Variants in DOCK4 observed in about 807,000 individuals in gnomAD.
DOCK4 encodes dedicator of cytokinesis protein 4.
A neutral mutation model predicts 268.1 loss-of-function variants in DOCK4; 97 were observed. That is an observed-to-expected ratio of 0.36 (90% CI 0.31 to 0.43). The LOEUF (loss-of-function observed/expected upper bound fraction) is 0.43, where lower values mean the gene tolerates loss of function less well. Ranked by LOEUF, DOCK4 falls within the 20% of genes least tolerant of loss-of-function variation. DOCK4 has a pLI of 1.00. For synonymous variants in DOCK4, 954 were observed against 887.2 expected (o/e 1.08, Z -1.34); for missense variants, 2,145 against 2,455.7 (o/e 0.87, Z 2.67).
intron 30 of DOCK4, among the ~76,000 whole-genome samples, chr7:111,795,316 A>G (rs1799819049): frequency 6.7e-6 from 1 of 149,224 alleles, no homozygotes; most frequent in African/African-American, 2.6e-5. Context: ...CAAACAAACA[A>G]ACAAAACCCA....
chr7:111,939,787 T>C (rs1016717647), intron 11 of DOCK4, among the ~76,000 whole-genome samples: 1 of 152,158 alleles, frequency 6.6e-6, no homozygotes, highest in Admixed American at 6.5e-5. Flanking sequence ...AAAAGTACTT[T>C]CACTTTCCAA....
At chr7:111,905,120 C>G (rs1348260078) in intron 13 of DOCK4, among the ~76,000 whole-genome samples, 1 of 152,160 alleles carries the variant, frequency 6.6e-6, no homozygotes, top group Non-Finnish European at 1.5e-5. Flanking sequence ...CAAGTTTTGC[C>G]AAAATATGCA....
At chr7:112,168,780 A>G (rs1356349023) in intron 1 of DOCK4, among the ~76,000 whole-genome samples, 1 of 152,158 alleles carries the variant, frequency 6.6e-6, no homozygotes, top group Non-Finnish European at 1.5e-5. Context: ...TGATGAAGAG[A>G]ATAATTTTGA....
chr7:111,833,608 C>G (rs568724876), intron 26 of DOCK4, among the ~76,000 whole-genome samples: 1 of 152,058 alleles, frequency 6.6e-6, no homozygotes, highest in African/African-American at 2.4e-5. Context: ...AAATGACTGA[C>G]TGCTGAGGGA....
chr7:111,875,330 A>T (rs1284139741), intron 17 of DOCK4, among the ~76,000 whole-genome samples: 1 of 152,152 alleles, frequency 6.6e-6, no homozygotes, highest in Admixed American at 6.6e-5. Context: ...AATTTTCAGG[A>T]TTTGTTTCTG....
intron 32 of DOCK4, among the ~76,000 whole-genome samples, chr7:111,785,669 GAT>G (rs963138044): frequency 1.1e-4 from 17 of 152,264 alleles, no homozygotes; most frequent in African/African-American, 4.1e-4. Context: ...CTGTTTACCT[GAT>G]ACAAACTGAG....
intron 1 of DOCK4, among the ~76,000 whole-genome samples, chr7:112,144,044 C>T (rs1023301767): frequency 1.3e-5 from 2 of 152,168 alleles, no homozygotes; most frequent in Admixed American, 6.5e-5. Flanking sequence ...AATATCTCTG[C>T]AATCACAATT....
chr7:111,802,913 T>C (rs577915678), intron 30 of DOCK4, among the ~76,000 whole-genome samples: 9 of 152,320 alleles, frequency 5.9e-5, no homozygotes, highest in Non-Finnish European at 1.2e-4. Flanking sequence ...GACATTGTTA[T>C]CAGTCTACTT....
intron 1 of DOCK4, among the ~76,000 whole-genome samples, chr7:112,101,866 A>G (rs1810722842): frequency 2.0e-5 from 3 of 147,984 alleles, no homozygotes; most frequent in Admixed American, 1.4e-4. Flanking sequence ...TTTTGAGACA[A>G]GAGTCTTGCT....
intron 1 of DOCK4, among the ~76,000 whole-genome samples, chr7:112,110,862 G>C (rs571779476): frequency 6.6e-6 from 1 of 152,228 alleles, no homozygotes; most frequent in Admixed American, 6.5e-5. Context: ...TGTCCCACAG[G>C]GGCAACTCCG....
At chr7:111,863,687 T>C in intron 22 of DOCK4, 123 bp from the exon 23 acceptor site, 2 of 1,050,526 alleles carry the variant, frequency 1.9e-6, no homozygotes, top group Non-Finnish European at 1.3e-6. Context: ...AAGTATGAAA[T>C]GTTTCTGTTA....
intron 1 of DOCK4, among the ~76,000 whole-genome samples, chr7:112,053,321 T>C (rs1479007615): frequency 1.3e-5 from 2 of 152,214 alleles, no homozygotes; most frequent in East Asian, 1.9e-4. Context: ...GAGTAGATCA[T>C]GCTGCAAGAC....
chr7:111,960,901 TACC>T (rs1796826137), intron 8 of DOCK4, among the ~76,000 whole-genome samples: 1 of 152,220 alleles, frequency 6.6e-6, no homozygotes, highest in Non-Finnish European at 1.5e-5. Context: ...AGTGTATATA[TACC>T]ACATTTTCTT....
chr7:112,014,153 T>C (rs550777977), intron 1 of DOCK4, among the ~76,000 whole-genome samples: 46 of 152,332 alleles, frequency 3.0e-4, no homozygotes, highest in African/African-American at 1.1e-3. Flanking sequence ...TATTAAGTCA[T>C]GAGAAAGAAG....
intron 7 of DOCK4, among the ~76,000 whole-genome samples, chr7:111,981,835 T>C (rs1012850464): frequency 2.6e-5 from 4 of 152,268 alleles, no homozygotes; most frequent in Non-Finnish European, 4.4e-5. Flanking sequence ...CCTGGAATCT[T>C]AGCAACACTG....
intron 1 of DOCK4, among the ~76,000 whole-genome samples, chr7:112,005,515 G>A (rs1440660926): frequency 6.6e-6 from 1 of 152,162 alleles, no homozygotes; most frequent in Non-Finnish European, 1.5e-5. Flanking sequence ...ATAATGACGT[G>A]CAAGAAGCAT....
chr7:111,801,655 CA>C (rs1800290735), intron 30 of DOCK4: 1 of 150,830 alleles, frequency 6.6e-6, no homozygotes, highest in Non-Finnish European at 1.5e-5. Flanking sequence ...AAGAATACCT[CA>C]AAAGAAACTT....
chr7:111,760,805 TC>T lies in DOCK4; in HGVS notation c.4021-484del, dbSNP rs537138007. Among the ~76,000 whole-genome samples, 1,169 of 151,364 alleles carry T rather than the reference TC, an allele frequency of 7.7e-3. 8 individuals are homozygous for T. The highest frequency in any genetic ancestry group is 0.011 in the Non-Finnish European group (738 of 67,854). ...GTGTATTCTGCCGTTCATGATGCTC[TC>T]CTTCAGTTAAGAATGGTGAAGGTTA... On this transcript the variant is annotated intron_variant, in intron 39 of 52. Coordinates refer to ENST00000428084, the MANE Select transcript of DOCK4 (RefSeq NM_001363540.2).
chr7:111,973,163 A>ATATATATATC (rs1797867107), intron 8 of DOCK4, among the ~76,000 whole-genome samples: 1 of 132,758 alleles, frequency 7.5e-6, no homozygotes. Context: ...TGGCATATAT[A>ATATATATATC]TATATATATA....
Sources: allele counts gnomAD v4.1 joint callset (sites outside exome capture counted in the v4.1 genomes callset), GRCh38; gene constraint gnomAD v4.1.1; transcripts MANE v1.5; gene names NCBI Gene and HGNC (gene_info 2026-07-23, HGNC 2026-07-21).